HEBP1: variants seen among roughly 807,000 people sequenced by gnomAD.
The protein encoded by HEBP1 is heme-binding protein 1.
A neutral mutation model predicts 20.4 loss-of-function variants in HEBP1; 13 were observed. The observed-to-expected ratio is 0.64, with a 90% CI of 0.42 to 1.01. HEBP1 has a LOEUF of 1.01. Among genes scored for constraint, HEBP1 ranks in the 50% least tolerant of loss-of-function variants. The pLI is 0.00. For missense variants in HEBP1, 241 were observed against 247.3 expected, an observed-to-expected ratio of 0.97 and a Z score of 0.17; for synonymous variants, 92 against 90.7, an observed-to-expected ratio of 1.01 and a Z score of -0.08.
At chr12:12,997,529 A>G (rs2136553309) in intron 1 of HEBP1, among the ~76,000 whole-genome samples, 1 of 152,292 alleles carries the variant, frequency 6.6e-6, no homozygotes, top group Admixed American at 6.5e-5. Context: ...TCCTAGTAGT[A>G]TGGATCTGAT....
chr12:12,999,520 T>A (rs2136554986), intron 1 of HEBP1, among the ~76,000 whole-genome samples: 1 of 152,362 alleles, frequency 6.6e-6, no homozygotes, highest in South Asian at 2.1e-4. Flanking sequence ...TTCATCCTGC[T>A]ACGCAGAATG....
At chr12:12,995,705 T>C (rs1292910739) in intron 1 of HEBP1, among the ~76,000 whole-genome samples, 1 of 152,208 alleles carries the variant, frequency 6.6e-6, no homozygotes, top group Non-Finnish European at 1.5e-5. Context: ...TAACCAGAAT[T>C]CTCTACTGCT....
Position 13,000,192 on chromosome 12 carries a change from C to CGGCAGCAGGGCGGCAG in HEBP1, c.-79_-78insCTGCCGCCCTGCTGCC. The stretch of plus-strand genomic sequence containing the variant: ...ACGGAGCACCACGGGCAGCGACCAC[C>CGGCAGCAGGGCGGCAG]GGCGGCAGGGCGGCAGGGCGGCAGG... On this transcript the variant is annotated 5_prime_UTR_variant, in exon 1 of 4. Transcript: ENST00000014930. The CGGCAGCAGGGCGGCAG allele has an allele frequency of 3.4e-6, 2 of 584,878 alleles. No homozygotes were observed. Among genetic ancestry groups the CGGCAGCAGGGCGGCAG allele is most frequent in the Non-Finnish European group, 5.9e-6 (2 of 340,602 alleles). The allele number at this position is 584,878 out of a possible 1,614,324, so 36.2% of individuals were successfully genotyped here. A position where few individuals can be genotyped will look rare whatever the true frequency, so the allele number is the denominator to read the frequency against.
chr12:12,990,590 G>A (rs1307865412), intron 1 of HEBP1, among the ~76,000 whole-genome samples: 6 of 152,120 alleles, frequency 3.9e-5, no homozygotes, highest in African/African-American at 7.2e-5. Context: ...GGCTTAGGCC[G>A]AACTAATTGT....
chr12:12,994,157 AG>A lies in HEBP1; in HGVS notation c.79-4743del, dbSNP rs1864263668. On this transcript the variant is annotated intron_variant, in intron 1 of 3. Transcript: ENST00000014930. ...TCTGATCATTTGGGGAGGATATTCC[AG>A]GTAGTGGGTACCATAAGAGTAAACG... 2.0e-5 allele frequency among the ~76,000 whole-genome samples: 3 copies of A among 152,370 alleles called. No homozygotes were observed. In the South Asian group the frequency reaches 6.2e-4, roughly 32 times the overall value.
intron 1 of HEBP1, among the ~76,000 whole-genome samples, chr12:12,990,165 T>C (rs1392201635): frequency 6.7e-6 from 1 of 149,798 alleles, no homozygotes; most frequent in East Asian, 2.0e-4. Context: ...CACACACATG[T>C]ATTTTATTTA....
At chr12:12,999,140 T>A (rs574043238) in intron 1 of HEBP1, among the ~76,000 whole-genome samples, 2 of 152,376 alleles carry the variant, frequency 1.3e-5, no homozygotes, top group Admixed American at 1.3e-4. Context: ...CTTGTTCTTT[T>A]ACACAGTAGT....
intron 3 of HEBP1, chr12:12,983,409 A>G (rs1864111520): frequency 3.8e-6 from 1 of 263,838 alleles, no homozygotes; most frequent in African/African-American, 2.3e-5. Flanking sequence ...CTTTGTAAAC[A>G]TCTCTTCACA....
At chr12:12,975,526 G>A in intron 3 of HEBP1, 47 bp from the exon 4 acceptor site, 1 of 1,511,344 alleles carries the variant, frequency 6.6e-7, no homozygotes, top group Non-Finnish European at 8.9e-7. Context: ...CATGACCTCT[G>A]AGAGAGGGGG....
chr12:12,994,345 AGT>A (rs1864266465), intron 1 of HEBP1, among the ~76,000 whole-genome samples: 2 of 152,240 alleles, frequency 1.3e-5, no homozygotes, highest in African/African-American at 4.8e-5. Context: ...TGTAACCATT[AGT>A]CCAGTGATGG....
intron 3 of HEBP1, among the ~76,000 whole-genome samples, chr12:12,975,952 T>G (rs1863976180): frequency 1.3e-5 from 2 of 151,516 alleles, no homozygotes; most frequent in African/African-American, 2.4e-5. Flanking sequence ...CTGCAGTGAG[T>G]ATGGTGGCTA....
intron 1 of HEBP1, among the ~76,000 whole-genome samples, chr12:12,994,222 A>G (rs1457791895): frequency 6.6e-6 from 1 of 152,186 alleles, no homozygotes; most frequent in East Asian, 1.9e-4. Context: ...GTGAGTACAA[A>G]TATTACAAAT....
intron 1 of HEBP1, among the ~76,000 whole-genome samples, chr12:12,992,893 A>G (rs1480153812): frequency 6.6e-6 from 1 of 152,212 alleles, no homozygotes; most frequent in Non-Finnish European, 1.5e-5. Flanking sequence ...AACTAATTTT[A>G]TCAAGGAGAA....
intron 1 of HEBP1, among the ~76,000 whole-genome samples, chr12:12,999,043 C>G (rs1356289201): frequency 1.3e-5 from 2 of 152,232 alleles, no homozygotes; most frequent in Non-Finnish European, 2.9e-5. Flanking sequence ...TCAGGACACT[C>G]CACTGAGGTC....
In HEBP1 at chr12:12,998,930, A is replaced by G. The variant is rs1282372457; in HGVS notation, c.78+1107T>C. On this transcript the variant is annotated intron_variant, in intron 1 of 3. Coordinates refer to ENST00000014930, the MANE Select transcript of HEBP1 (RefSeq NM_015987.5). This position sits in a 1 kb window ranked among gnomAD's most constrained non-coding sequence, Gnocchi z 4.2. ...CACTCATTCTGTATTCTAGGTACCC[A>G]ACTCCAGAGGATCTAACTGGCCAAA... 6.6e-6 allele frequency among the ~76,000 whole-genome samples: 1 copy of G among 152,224 alleles called. No individual in the cohort carries two copies. The highest frequency in any genetic ancestry group is 1.5e-5 in the Non-Finnish European group (1 of 68,040).
intron 1 of HEBP1, among the ~76,000 whole-genome samples, chr12:12,995,879 A>G (rs1864282970): frequency 6.6e-6 from 1 of 152,216 alleles, no homozygotes; most frequent in African/African-American, 2.4e-5. Flanking sequence ...GCCTGTGGCT[A>G]CAAAAACCAA....
At chr12:12,985,777 G>A (rs940133672) in intron 3 of HEBP1, 1 of 152,046 alleles carries the variant, frequency 6.6e-6, no homozygotes, top group Non-Finnish European at 1.5e-5. Context: ...TATATAGGAG[G>A]TTATATTATC....
chr12:12,994,633 A>C (rs929899624), intron 1 of HEBP1, among the ~76,000 whole-genome samples: 1 of 152,148 alleles, frequency 6.6e-6, no homozygotes, highest in African/African-American at 2.4e-5. Context: ...GGCTTGGCTC[A>C]ACTTCACCAC....
At chr12:12,990,321 A>G (rs981225269) in intron 1 of HEBP1, among the ~76,000 whole-genome samples, 18 of 149,776 alleles carry the variant, frequency 1.2e-4, no homozygotes, top group African/African-American at 4.4e-4. Flanking sequence ...GGTGCATACC[A>G]CCATGCCCTG....
Sources: allele counts gnomAD v4.1 joint callset (sites outside exome capture counted in the v4.1 genomes callset), GRCh38; gene constraint gnomAD v4.1.1; non-coding constraint Gnocchi (gnomAD v3.1); transcripts MANE v1.5; gene names NCBI Gene and HGNC (gene_info 2026-07-23, HGNC 2026-07-21).